AKAP6: variants seen among roughly 807,000 people sequenced by gnomAD.
The protein encoded by AKAP6 is A-kinase anchoring protein 6.
In AKAP6, 58 loss-of-function variants were observed where a neutral mutation model predicts 188.5. That is an observed-to-expected ratio of 0.31 (90% CI 0.25 to 0.38). The LOEUF is 0.38. AKAP6 is among the 10% of genes least tolerant of loss of function. AKAP6 has a pLI of 1.00. For missense variants in AKAP6, 2,710 were observed against 2,740.0 expected, an observed-to-expected ratio of 0.99 and a Z score of 0.24; for synonymous variants, 989 against 998.6, an observed-to-expected ratio of 0.99 and a Z score of 0.18.
At chr14:32,690,643 A>G (rs1008548668) in intron 8 of AKAP6, among the ~76,000 whole-genome samples, 7 of 152,188 alleles carry the variant, frequency 4.6e-5, no homozygotes, top group African/African-American at 1.7e-4. Context: ...GCTTCAACCC[A>G]AACTTAAAAA....
rs371318440 is a variant in AKAP6, at chr14:32,744,955, T to G, written c.3372+9073T>G. On this transcript the variant is annotated intron_variant, in intron 11 of 13. Coordinates refer to ENST00000280979, the MANE Select transcript of AKAP6 (RefSeq NM_004274.5). ...TTTCAGATCCAGAATTTCTGCATGA[T>G]TCTTTTTAATTATTTTAATCTTTAT... 2.5e-3 allele frequency among the ~76,000 whole-genome samples: 374 copies of G among 152,292 alleles called. 13 individuals are homozygous for G. The South Asian group carries it at 0.072, about 29-fold the overall frequency.
chr14:32,690,076 TACAC>T (rs10658220), intron 8 of AKAP6, among the ~76,000 whole-genome samples: 2,644 of 135,968 alleles, frequency 0.019, 26 homozygotes, highest in African/African-American at 0.024. Context: ...TGCCCCAAAA[TACAC>T]ACACACACAC....
rs537140475 is a variant in AKAP6 at position 32,483,194 on chromosome 14, GT to G, written c.324+49379del. ...TCAGTGTGATTTAATTTTTAATTCT[GT>G]TATTGAAAGTGAGGTTGAAAATATT... On this transcript the variant is annotated intron_variant, in intron 2 of 13. Coordinates refer to ENST00000280979, the MANE Select transcript of AKAP6 (RefSeq NM_004274.5). Among the ~76,000 whole-genome samples, 422 of 152,146 alleles carry G rather than the reference GT, an allele frequency of 2.8e-3. 1 individual carries two copies. Among genetic ancestry groups the G allele is most frequent in the Non-Finnish European group, 4.6e-3 (313 of 67,986 alleles).
intron 9 of AKAP6, among the ~76,000 whole-genome samples, chr14:32,728,495 C>A (rs1351079477): frequency 1.3e-5 from 2 of 151,858 alleles, no homozygotes; most frequent in Non-Finnish European, 2.9e-5. Flanking sequence ...GACATTCAAT[C>A]CTGTCATTCT....
At chr14:32,725,757 C>T (rs1439296755) in intron 9 of AKAP6, among the ~76,000 whole-genome samples, 2 of 152,136 alleles carry the variant, frequency 1.3e-5, no homozygotes, top group East Asian at 3.9e-4. Flanking sequence ...AAAATATCAA[C>T]CATAAAAATG....
At chr14:32,336,785 A>G (rs888892969) in intron 1 of AKAP6, among the ~76,000 whole-genome samples, 3 of 152,136 alleles carry the variant, frequency 2.0e-5, no homozygotes, top group African/African-American at 7.2e-5. Flanking sequence ...TTGAGTGCTC[A>G]TAGTTTGTTA....
Position 32,529,669 on chromosome 14 carries a change from A to G in AKAP6, c.325-5885A>G, listed in dbSNP as rs76052924. 3.5e-3 allele frequency among the ~76,000 whole-genome samples: 527 copies of G among 152,264 alleles called. 3 individuals carry two copies. Among genetic ancestry groups the G allele is most frequent in the African/African-American group, 0.012 (485 of 41,540 alleles). On this transcript the variant is annotated intron_variant, in intron 2 of 13. Coordinates refer to ENST00000280979, the MANE Select transcript of AKAP6 (RefSeq NM_004274.5). ...CTGTACTTCTCCTTTACTGAGAGGG[A>G]TAGTTCACTTTTGGGGAAATAAAAA...
intron 1 of AKAP6, among the ~76,000 whole-genome samples, chr14:32,344,075 C>T (rs1436847358): frequency 1.3e-5 from 2 of 152,162 alleles, no homozygotes; most frequent in South Asian, 4.1e-4. Context: ...GGCCCCTGTG[C>T]GAAACTGGGG....
chr14:32,505,961 A>T (rs540834544), intron 2 of AKAP6, among the ~76,000 whole-genome samples: 12 of 152,168 alleles, frequency 7.9e-5, no homozygotes, highest in South Asian at 6.2e-4. Context: ...AGCAGGGTTA[A>T]GCTGGGTATT....
At chr14:32,467,099 C>CTGAT (rs1247259733) in intron 2 of AKAP6, among the ~76,000 whole-genome samples, 1 of 150,844 alleles carries the variant, frequency 6.6e-6, no homozygotes, top group Non-Finnish European at 1.5e-5. Context: ...GTTGGTTACT[C>CTGAT]TGATCATTAC....
intron 1 of AKAP6, among the ~76,000 whole-genome samples, chr14:32,330,597 G>T (rs183917043): frequency 2.0e-5 from 3 of 151,342 alleles, no homozygotes; most frequent in African/African-American, 7.3e-5. Flanking sequence ...TACTCAAAAA[G>T]TCTTACACGA....
chr14:32,386,076 AG>A (rs1220746758), intron 1 of AKAP6, among the ~76,000 whole-genome samples: 1 of 151,600 alleles, frequency 6.6e-6, no homozygotes, highest in Non-Finnish European at 1.5e-5. Context: ...GTTTCTGCAA[AG>A]TATCATTTTC....
intron 2 of AKAP6, among the ~76,000 whole-genome samples, chr14:32,477,027 T>C (rs1431653312): frequency 6.6e-6 from 1 of 152,116 alleles, no homozygotes; most frequent in Non-Finnish European, 1.5e-5. Context: ...ATCTAAAAAT[T>C]TGTGATCAGC....
At chr14:32,487,590 G>A (rs966567784) in intron 2 of AKAP6, among the ~76,000 whole-genome samples, 6 of 152,204 alleles carry the variant, frequency 3.9e-5, no homozygotes, top group Admixed American at 1.3e-4. Context: ...CCTTGCTGGC[G>A]AGGAGTTGTG....
chr14:32,513,717 T>A (rs1881369951), intron 2 of AKAP6, among the ~76,000 whole-genome samples: 2 of 152,184 alleles, frequency 1.3e-5, no homozygotes, highest in African/African-American at 2.4e-5. Context: ...TGGAGAAAAA[T>A]TTTAAACATA....
chr14:32,805,193 C>T (rs1334430830), intron 12 of AKAP6, among the ~76,000 whole-genome samples: 1 of 152,134 alleles, frequency 6.6e-6, no homozygotes, highest in Non-Finnish European at 1.5e-5. Flanking sequence ...ATGAAATCTT[C>T]CCAATTTATG....
At chr14:32,748,114 A>C (rs1197977985) in intron 11 of AKAP6, among the ~76,000 whole-genome samples, 1 of 152,216 alleles carries the variant, frequency 6.6e-6, no homozygotes, top group African/African-American at 2.4e-5. Flanking sequence ...AAATTACTTA[A>C]ATGTAACTTT....
chr14:32,794,640 A>G (rs1281268060), intron 12 of AKAP6, among the ~76,000 whole-genome samples: 1 of 152,206 alleles, frequency 6.6e-6, no homozygotes, highest in Non-Finnish European at 1.5e-5. Context: ...CTGGGTTGCT[A>G]AAGCTATGTT....
intron 2 of AKAP6, among the ~76,000 whole-genome samples, chr14:32,531,644 C>G (rs578110402): frequency 7.3e-4 from 111 of 152,252 alleles, no homozygotes; most frequent in African/African-American, 2.6e-3. Context: ...TAGAATCATG[C>G]CCTCCCCATC....
Sources: gnomAD v4.1 joint callset for allele counts (sites outside exome capture counted in the v4.1 genomes callset) on GRCh38, gnomAD v4.1.1 for gene constraint, MANE v1.5 for transcripts, NCBI Gene and HGNC (gene_info 2026-07-23, HGNC 2026-07-21) for gene names.